The following EPHB1 variants were observed in gnomAD, a reference collection of about 807,000 sequenced individuals.
The protein encoded by EPHB1 is EPH receptor B1, also known as ephrin type-B receptor 1.
In EPHB1, 30 loss-of-function variants were observed where a neutral mutation model predicts 94.4. That is an observed-to-expected ratio of 0.32 (90% CI 0.24 to 0.43). The LOEUF is 0.43. EPHB1 is among the 20% of genes least tolerant of loss of function. The pLI is 1.00. For missense variants in EPHB1, 1,055 were observed against 1,308.3 expected, an observed-to-expected ratio of 0.81 and a Z score of 2.99; for synonymous variants, 522 against 489.1, an observed-to-expected ratio of 1.07 and a Z score of -0.89.
chr3:134,957,482 G>A (rs1184622470), intron 3 of EPHB1, among the ~76,000 whole-genome samples: 1 of 152,192 alleles, frequency 6.6e-6, no homozygotes, highest in African/African-American at 2.4e-5. Flanking sequence ...AAGCCTACAG[G>A]CCACCAGGAG....
chr3:135,180,575 T>A (rs1247824725), intron 10 of EPHB1, among the ~76,000 whole-genome samples: 1 of 152,184 alleles, frequency 6.6e-6, no homozygotes, highest in Non-Finnish European at 1.5e-5. Context: ...TCAAGAAATG[T>A]GTGTGCCCTC....
chr3:135,149,356 T>C (rs1458915589), intron 5 of EPHB1, among the ~76,000 whole-genome samples: 3 of 152,200 alleles, frequency 2.0e-5, no homozygotes, highest in Non-Finnish European at 4.4e-5. Flanking sequence ...ATCTGAGGAA[T>C]ATAGAGAAAA....
chr3:135,166,423 G>C (rs1048740416), intron 8 of EPHB1, among the ~76,000 whole-genome samples: 1 of 152,162 alleles, frequency 6.6e-6, no homozygotes, highest in African/African-American at 2.4e-5. Context: ...CTCCAGTTAA[G>C]AGAGCTCAGG....
chr3:135,207,268 G>A (rs567730195), intron 12 of EPHB1, among the ~76,000 whole-genome samples: 1 of 152,312 alleles, frequency 6.6e-6, no homozygotes, highest in Admixed American at 6.5e-5. Flanking sequence ...TCTACACAGT[G>A]ATATGGCCAC....
At chr3:134,849,264 A>G (rs1312297695) in intron 1 of EPHB1, among the ~76,000 whole-genome samples, 1 of 152,204 alleles carries the variant, frequency 6.6e-6, no homozygotes, top group Non-Finnish European at 1.5e-5. Context: ...TGGGGCCTGA[A>G]GAACAGCATT....
intron 5 of EPHB1, among the ~76,000 whole-genome samples, chr3:135,139,873 T>C (rs1940760783): frequency 6.6e-6 from 1 of 152,220 alleles, no homozygotes; most frequent in Non-Finnish European, 1.5e-5. Context: ...AATGAACTCC[T>C]TGTGGATGGA....
At chr3:135,012,475 G>T (rs186439902) in intron 3 of EPHB1, among the ~76,000 whole-genome samples, 28 of 152,336 alleles carry the variant, frequency 1.8e-4, no homozygotes, top group Non-Finnish European at 1.5e-4. Flanking sequence ...GTTCATGAAG[G>T]TGTGTAGCTT....
At chr3:134,853,322 G>A (rs2037032085) in intron 1 of EPHB1, among the ~76,000 whole-genome samples, 1 of 152,208 alleles carries the variant, frequency 6.6e-6, no homozygotes, top group African/African-American at 2.4e-5. Context: ...GGCTGTGGGT[G>A]CCCCTGGAGA....
At chr3:135,213,236 A>C (rs1372428011) in intron 12 of EPHB1, among the ~76,000 whole-genome samples, 1 of 152,206 alleles carries the variant, frequency 6.6e-6, no homozygotes, top group Non-Finnish European at 1.5e-5. Context: ...AATAATGAAC[A>C]GATCGAATTT....
intron 9 of EPHB1, 134 bp downstream of exon 9, chr3:135,167,140 G>C: frequency 3.0e-6 from 3 of 1,005,068 alleles, no homozygotes; most frequent in Non-Finnish European, 4.6e-6. Context: ...CAGTGCCTTG[G>C]CCACCTTTCT....
chr3:135,257,568 T>C (rs943204283), intron 15 of EPHB1, among the ~76,000 whole-genome samples: 1 of 152,040 alleles, frequency 6.6e-6, no homozygotes, highest in Non-Finnish European at 1.5e-5. Context: ...GGAGGCAGTC[T>C]GCCCGTTCTC....
intron 4 of EPHB1, among the ~76,000 whole-genome samples, chr3:135,114,728 GATAAATAAATAAATAA>G (rs67059261): frequency 8.2e-5 from 11 of 133,700 alleles, no homozygotes; most frequent in African/African-American, 3.1e-4. Context: ...GTCTCAGATA[GATAAATAAATAAATAA>G]ATAAATAAAT....
intron 3 of EPHB1, among the ~76,000 whole-genome samples, chr3:135,073,655 CTCTG>C (rs893664509): frequency 7.2e-5 from 11 of 152,224 alleles, no homozygotes; most frequent in East Asian, 5.8e-4. Flanking sequence ...TCCTGAATGT[CTCTG>C]TCTTTCTCTC....
At chr3:135,046,875 G>A (rs1163002571) in intron 3 of EPHB1, among the ~76,000 whole-genome samples, 2 of 152,204 alleles carry the variant, frequency 1.3e-5, no homozygotes, top group Admixed American at 6.5e-5. Flanking sequence ...CACTCGATAA[G>A]CAGTACCTAT....
intron 1 of EPHB1, among the ~76,000 whole-genome samples, chr3:134,900,891 AC>A (rs2038186874): frequency 6.6e-6 from 1 of 152,174 alleles, no homozygotes; most frequent in African/African-American, 2.4e-5. Context: ...ACCAACAGAC[AC>A]ATTTATGTCC....
chr3:134,865,101 A>T (rs1042514285), intron 1 of EPHB1, among the ~76,000 whole-genome samples: 18 of 151,938 alleles, frequency 1.2e-4, no homozygotes, highest in Admixed American at 2.0e-4. Flanking sequence ...TGTGTGTGTG[A>T]GAGAGAGAGT....
At chr3:135,087,732 T>C (rs1938409428) in intron 3 of EPHB1, among the ~76,000 whole-genome samples, 1 of 152,168 alleles carries the variant, frequency 6.6e-6, no homozygotes, top group South Asian at 2.1e-4. Context: ...AAAAAACTTA[T>C]ATTCTAGGGA....
intron 3 of EPHB1, among the ~76,000 whole-genome samples, chr3:135,037,205 C>T (rs1936672806): frequency 2.0e-5 from 3 of 152,194 alleles, no homozygotes; most frequent in East Asian, 1.9e-4. Context: ...AACTAAATCT[C>T]CTTACTCCAG....
In EPHB1 at chr3:134,845,704, G is replaced by A. The variant is rs147472038; in HGVS notation, c.58+50015G>A. 2.3e-3 allele frequency among the ~76,000 whole-genome samples: 344 copies of A among 152,252 alleles called. 2 individuals are homozygous for A. Among genetic ancestry groups the A allele is most frequent in the African/African-American group, 7.7e-3 (319 of 41,534 alleles). ...TCCCAGCAGACCTTAGGCAGTAACG[G>A]TTATATACATGCTCACATTGCCTCT... On this transcript the variant is annotated intron_variant, in intron 1 of 15. Coordinates refer to ENST00000398015, the MANE Select transcript of EPHB1 (RefSeq NM_004441.5).
Sources: gnomAD v4.1 joint callset for allele counts (sites outside exome capture counted in the v4.1 genomes callset) on GRCh38, gnomAD v4.1.1 for gene constraint, MANE v1.5 for transcripts, NCBI Gene and HGNC (gene_info 2026-07-23, HGNC 2026-07-21) for gene names.